Variants in TNKS2 observed in about 807,000 individuals in gnomAD.
The protein encoded by TNKS2 is poly [ADP-ribose] polymerase tankyrase-2.
Under a neutral mutation model 137.6 loss-of-function variants are expected in TNKS2, and 72 were observed. The observed-to-expected ratio is 0.52, with a 90% CI of 0.43 to 0.64. The LOEUF is 0.64. Among genes scored for constraint, TNKS2 ranks in the 30% least tolerant of loss-of-function variants. The pLI is 0.00. For synonymous variants in TNKS2, 516 were observed against 512.1 expected (o/e 1.01, Z -0.10); for missense variants, 1,049 against 1,410.2 (o/e 0.74, Z 4.10).
intron 1 of TNKS2, chr10:91,807,538 A>G (rs183755993): frequency 9.1e-6 from 10 of 1,099,378 alleles, no homozygotes; most frequent in African/African-American, 7.8e-5. Context: ...GAGTCCTGCA[A>G]TGCCATTCTT....
chr10:91,810,513 G>GT (rs1564604061), intron 1 of TNKS2, among the ~76,000 whole-genome samples: 1 of 151,442 alleles, frequency 6.6e-6, no homozygotes, highest in Non-Finnish European at 1.5e-5. Context: ...GTTTTGTTTT[G>GT]TTTTTTTGAG....
rs568813288 is a variant in TNKS2 at position 91,848,699 on chromosome 10, T to C, written c.2611+64T>C. 6 of 1,559,104 alleles carry C rather than the reference T, an allele frequency of 3.8e-6. No individual in the cohort carries two copies. The South Asian group carries it at 7.3e-5, about 19-fold the overall frequency. On this transcript the variant is annotated intron_variant, in intron 19 of 26. Coordinates refer to ENST00000371627, the MANE Select transcript of TNKS2 (RefSeq NM_025235.4). ...GTAGCCCCGTATTTGTCATTTGGGA[T>C]GCTAAAAAGTCATTTTTAACCTTAA...
intron 26 of TNKS2, among the ~76,000 whole-genome samples, chr10:91,862,460 T>C (rs1842876428): frequency 6.6e-6 from 1 of 152,168 alleles, no homozygotes; most frequent in South Asian, 2.1e-4. Flanking sequence ...GGCATGTCCC[T>C]TTACCATTAA....
chr10:91,799,706 A>G (rs1315912943), intron 1 of TNKS2, among the ~76,000 whole-genome samples: 1 of 152,274 alleles, frequency 6.6e-6, no homozygotes, highest in African/African-American at 2.4e-5. Flanking sequence ...AAAGAGCCAT[A>G]GATGGGATAT....
chr10:91,859,455 GT>G lies in TNKS2; in HGVS notation c.3095-4del. On this transcript the variant is annotated splice_region_variant and splice_polypyrimidine_tract_variant and intron_variant, in intron 24 of 26. Coordinates refer to ENST00000371627, the MANE Select transcript of TNKS2 (RefSeq NM_025235.4). ...AAATTATTGTTACCCATCTATATGT[GT>G]TTCAGGGTCTCCTTTTGTGAATGCA... The G allele has an allele frequency of 1.3e-6, 2 of 1,578,138 alleles. No homozygotes were observed. Among genetic ancestry groups the G allele is most frequent in the Non-Finnish European group, 1.7e-6 (2 of 1,164,940 alleles).
At chr10:91,823,318 T>A (rs1844961161) in intron 7 of TNKS2, among the ~76,000 whole-genome samples, 1 of 92,710 alleles carries the variant, frequency 1.1e-5, no homozygotes, top group Non-Finnish European at 2.0e-5. Flanking sequence ...TTTGGTTTTT[T>A]GGTTTTTTTT....
In TNKS2 at chr10:91,798,446, T is replaced by G; in HGVS notation, c.-245T>G. 1.7e-5 allele frequency: 5 copies of G among 301,110 alleles called. No individual in the cohort carries two copies. The highest frequency in any genetic ancestry group is 2.4e-5 in the Non-Finnish European group (4 of 169,676). The allele number at this position is 301,110 out of a possible 1,614,324, so 18.7% of individuals were successfully genotyped here. ...TTGCCAGCTTCCGCCGCCGCGTCGT[T>G]TCAGGACCCGGACGGCGGATTCGCG... On this transcript the variant is annotated 5_prime_UTR_variant, in exon 1 of 27. Coordinates refer to ENST00000371627, the MANE Select transcript of TNKS2 (RefSeq NM_025235.4).
At position 91,834,024 on chromosome 10, in the gene TNKS2, G is replaced by T; in HGVS notation, c.1447G>T (p.Glu483Ter). 1 of 1,556,214 alleles carries T rather than the reference G, an allele frequency of 6.4e-7. No homozygotes were observed. The highest frequency in any genetic ancestry group is 2.3e-5 in the East Asian group (1 of 43,896). Residue 483 changes from glutamate to a stop codon, truncating the protein, a stop_gained and splice_region_variant, in exon 12 of 27, where the codon GAG becomes TAG. Coordinates refer to ENST00000371627, the MANE Select transcript of TNKS2 (RefSeq NM_025235.4). LOFTEE classifies it high-confidence loss of function. Reference protein sequence around the residue: ...GNENVQQLLQEGISLGNSEAD... With the variant: ...GNENVQQLLQ ...TGAAAATGTACAGCAACTCCTCCAAGGTATTACATGCTTCAATGAAATTGA... is the reference window on the plus strand; with the variant it reads ...TGAAAATGTACAGCAACTCCTCCAATGTATTACATGCTTCAATGAAATTGA...
chr10:91,828,504 A>T, intron 9 of TNKS2, 98 bp downstream of exon 9: 1 of 1,237,076 alleles, frequency 8.1e-7, no homozygotes, highest in African/African-American at 1.6e-5. Context: ...TTTTGAGTCT[A>T]TAGTTTTAAA....
Position 91,863,185 on chromosome 10 carries a change from A to C in TNKS2, c.*186A>C. 1 of 473,304 alleles carries C rather than the reference A, an allele frequency of 2.1e-6. No homozygotes were observed. The highest frequency in any genetic ancestry group is 3.7e-6 in the Non-Finnish European group (1 of 266,982). The allele number at this position is 473,304 out of a possible 1,614,324, so 29.3% of individuals were successfully genotyped here. On this transcript the variant is annotated 3_prime_UTR_variant, in exon 27 of 27. Coordinates refer to ENST00000371627, the MANE Select transcript of TNKS2 (RefSeq NM_025235.4). ...TTTAATAATGTACAGTGTTTTCTAA[A>C]TATTTCCTGTTTTTTCAGCACTTTA...
At position 91,849,495 on chromosome 10, in the gene TNKS2, A is replaced by AT. The variant is rs1413237831; in HGVS notation, c.2612-10dup. ...TGATGTGAAATTCCATTTGTTTTGG[A>AT]TTTTTTTATTTCCCAGTTCCAGGAG... is the stretch of plus-strand genomic sequence containing the variant. On this transcript the variant is annotated splice_polypyrimidine_tract_variant and intron_variant, in intron 19 of 26. Transcript: ENST00000371627. 26 of 1,600,458 alleles carry AT rather than the reference A, an allele frequency of 1.6e-5. No individual in the cohort carries two copies. Among genetic ancestry groups the AT allele is most frequent in the Non-Finnish European group, 2.2e-5 (26 of 1,173,428 alleles).
chr10:91,803,617 G>C (rs1289162710), intron 1 of TNKS2, among the ~76,000 whole-genome samples: 1 of 152,226 alleles, frequency 6.6e-6, no homozygotes, highest in Non-Finnish European at 1.5e-5. Context: ...CTGGGCAACA[G>C]AGGGAAACCT....
chr10:91,854,063 AAC>A (rs879315544), intron 21 of TNKS2, among the ~76,000 whole-genome samples: 11 of 152,222 alleles, frequency 7.2e-5, no homozygotes, highest in East Asian at 3.8e-4. Context: ...ACATTTGGAA[AAC>A]ACACAAATTC....
chr10:91,817,849 A>G (rs1201828446), intron 3 of TNKS2, among the ~76,000 whole-genome samples: 4 of 152,318 alleles, frequency 2.6e-5, no homozygotes, highest in East Asian at 1.9e-4. Context: ...TCCACTTCAC[A>G]TATTATCTCC....
At chr10:91,827,234 G>T in intron 8 of TNKS2, 31 bp downstream of exon 8, 2 of 1,415,358 alleles carry the variant, frequency 1.4e-6, no homozygotes, top group Non-Finnish European at 9.4e-7. Flanking sequence ...GTTCAGGTAG[G>T]ATATTATATC....
chr10:91,851,671 G>A (rs1337500217), intron 21 of TNKS2, among the ~76,000 whole-genome samples: 1 of 152,138 alleles, frequency 6.6e-6, no homozygotes, highest in African/African-American at 2.4e-5. Context: ...TGAAACTTAG[G>A]TATCACATTT....
intron 7 of TNKS2, among the ~76,000 whole-genome samples, chr10:91,823,493 A>G (rs1232481774): frequency 6.6e-6 from 1 of 151,206 alleles, no homozygotes; most frequent in South Asian, 2.1e-4. Flanking sequence ...ATGCCCAGCT[A>G]ATTTTCTATT....
chr10:91,804,982 T>C (rs1179075606), intron 1 of TNKS2, among the ~76,000 whole-genome samples: 1 of 152,182 alleles, frequency 6.6e-6, no homozygotes, highest in Non-Finnish European at 1.5e-5. Context: ...TATGGTGGTC[T>C]CGAATTCCTG....
chr10:91,798,886 G>A lies in TNKS2; in HGVS notation c.196G>A (p.Ala66Thr). The A allele has an allele frequency of 7.3e-7, 1 of 1,374,358 alleles. No homozygotes were observed. The highest frequency in any genetic ancestry group is 9.5e-7 in the Non-Finnish European group (1 of 1,055,156). 85.1% of individuals were successfully genotyped at this position (1,374,358 alleles called of 1,614,324 possible). ...GAAATCCACCCCGCTGCACTTCGCCGCAGGTAACCGGGGCCAGCGTCCCCT... is the reference window on the plus strand; with the variant it reads ...GAAATCCACCCCGCTGCACTTCGCCACAGGTAACCGGGGCCAGCGTCCCCT... ...GRKSTPLHFA[A>T]GFGRKDVVEY... The change falls in exon 1 of 27, where the codon GCA becomes ACA. Residue 66 changes from alanine to threonine, a missense_variant. Coordinates refer to ENST00000371627, the MANE Select transcript of TNKS2 (RefSeq NM_025235.4).
Sources: allele counts gnomAD v4.1 joint callset (sites outside exome capture counted in the v4.1 genomes callset), GRCh38; gene constraint gnomAD v4.1.1; transcripts MANE v1.5; gene names NCBI Gene and HGNC (gene_info 2026-07-23, HGNC 2026-07-21).